Variants in BAZ2A observed in about 807,000 individuals in gnomAD.
BAZ2A encodes the protein bromodomain adjacent to zinc finger domain protein 2A.
In BAZ2A, 34 loss-of-function variants were observed where a neutral mutation model predicts 199.9. The observed-to-expected ratio is 0.17, with a 90% CI of 0.13 to 0.23. The LOEUF (loss-of-function observed/expected upper bound fraction) is 0.23. Ranked by LOEUF, BAZ2A falls within the 10% of genes least tolerant of loss-of-function variation. BAZ2A has a pLI of 1.00. For missense variants in BAZ2A, 2,002 were observed against 2,391.1 expected (o/e 0.84, Z 3.39); for synonymous variants, 857 against 883.9 (o/e 0.97, Z 0.54).
At chr12:56,607,211 T>C (rs763671101) in intron 10 of BAZ2A, among the ~76,000 whole-genome samples, 4 of 152,220 alleles carry the variant, frequency 2.6e-5, no homozygotes, top group Non-Finnish European at 5.9e-5. Context: ...GCCCACACAG[T>C]GGACACCTCA....
In BAZ2A at chr12:56,617,452, A is replaced by T; in HGVS notation, c.79T>A (p.Ser27Thr). The T allele has an allele frequency of 6.2e-7, 1 of 1,607,566 alleles. No individual in the cohort carries two copies. The highest frequency in any genetic ancestry group is 2.2e-5 in the East Asian group (1 of 44,752). The part of the protein sequence containing the change: ...AASGLKPSPS[S>T]GEGLYTNGSP... ...CCGTTAGTGTAGAGGCCCTCCCCTG[A>T]GGAAGGAGAGGGTTTCAGTCCTGAG... is the stretch of plus-strand genomic sequence containing the variant. Residue 27 changes from serine to threonine, a missense_variant, in exon 2 of 29, where the codon TCA (serine) becomes ACA (threonine). This residue lies in a region of BAZ2A where 641 missense variants were observed against 694.5 expected (regional missense o/e 0.92). Coordinates refer to ENST00000549884, the MANE Select transcript of BAZ2A (RefSeq NM_001300905.2).
chr12:56,601,336 A>T lies in BAZ2A; in HGVS notation c.4138T>A (p.Leu1380Met). Residue 1380 changes from leucine (L) to methionine (M), a missense_variant, in exon 21 of 29, where the codon TTG (leucine) becomes ATG (methionine). Transcript: ENST00000549884. ...VQFSSTPLAG[L>M]APKRRAGDPG... ...TCTCCTGCTCGCCTCTTAGGGGCCAACCCAGCCAAGGGCGTGGAAGAGAAC... is the reference window on the plus strand; with the variant it reads ...TCTCCTGCTCGCCTCTTAGGGGCCATCCCAGCCAAGGGCGTGGAAGAGAAC... The T allele has an allele frequency of 6.2e-7, 1 of 1,614,010 alleles. No homozygotes were observed. The highest frequency in any genetic ancestry group is 8.5e-7 in the Non-Finnish European group (1 of 1,179,890).
chr12:56,631,315 G>T (rs2137444479), upstream of BAZ2A, among the ~76,000 whole-genome samples: 1 of 152,068 alleles, frequency 6.6e-6, no homozygotes, highest in South Asian at 2.1e-4. Flanking sequence ...GCTGGGTGTG[G>T]TGGCGTGCCC....
intron 1 of BAZ2A, among the ~76,000 whole-genome samples, chr12:56,628,287 G>A (rs1951178876): frequency 6.6e-6 from 1 of 151,474 alleles, no homozygotes; most frequent in Admixed American, 6.6e-5. Context: ...AATCCAGTGT[G>A]CCACAAAATG....
intron 1 of BAZ2A, among the ~76,000 whole-genome samples, chr12:56,621,406 ACCACTTC>A (rs1230059882): frequency 6.6e-6 from 1 of 152,002 alleles, no homozygotes; most frequent in African/African-American, 2.4e-5. Context: ...CAGAACCACA[ACCACTTC>A]ATTTACGAGA....
At position 56,596,775 on chromosome 12, in the gene BAZ2A, A is replaced by G. The variant is rs1885874567; in HGVS notation, c.*1843T>C. The G allele has an allele frequency of 6.5e-6, 1 of 152,682 alleles. No individual in the cohort carries two copies. The highest frequency in any genetic ancestry group is 1.9e-4 in the East Asian group (1 of 5,194). 9.5% of individuals were successfully genotyped at this position (152,682 alleles called of 1,614,324 possible). A position where few individuals can be genotyped will look rare whatever the true frequency, so the allele number is the denominator to read the frequency against. ...TCAATCCACCTCTTAAAAGCAAAAA[A>G]AAATCTCAAATAAAATTAAAAGTTT... is the stretch of plus-strand genomic sequence containing the variant. On this transcript the variant is annotated 3_prime_UTR_variant, in exon 29 of 29. Transcript: ENST00000549884.
chr12:56,630,297 A>G lies in BAZ2A; in HGVS notation c.-175T>C. Reference sequence around the variant, plus strand: ...ACGCGGCTCAACCGCGGGGCCCGAGAGGAGCCAACATGGCCGGCGGGGGAG... The same window carrying G: ...ACGCGGCTCAACCGCGGGGCCCGAGGGGAGCCAACATGGCCGGCGGGGGAG... On this transcript the variant is annotated 5_prime_UTR_variant, in exon 1 of 29. Transcript: ENST00000549884. The G allele has an allele frequency of 4.1e-6, 4 of 984,882 alleles. No homozygotes were observed. Among genetic ancestry groups the G allele is most frequent in the Non-Finnish European group, 4.8e-6 (4 of 829,390 alleles). 61.0% of individuals were successfully genotyped at this position (984,882 alleles called of 1,614,324 possible).
chr12:56,614,490 T>C (rs1030353595), intron 3 of BAZ2A, among the ~76,000 whole-genome samples: 2 of 152,160 alleles, frequency 1.3e-5, no homozygotes, highest in African/African-American at 4.8e-5. Context: ...CTTTTATCTA[T>C]TTTGAGGGAA....
chr12:56,612,098 C>T lies in BAZ2A; in HGVS notation c.1284G>A (p.Ser428=), dbSNP rs758565712. The T allele has an allele frequency of 1.9e-6, 3 of 1,613,376 alleles. No individual in the cohort carries two copies. Among genetic ancestry groups the T allele is most frequent in the Middle Eastern group, 1.6e-4 (1 of 6,082 alleles). ...GGGAGACTGCTGGGGAGGTTGTTGG[C>T]GAGACTGCTGGTGAGGTTGCTGGAT... ...QLHPATSPAV[S]PTTSPAVSLV... Residue 428 remains serine (S), a synonymous_variant, in exon 6 of 29, where the codon TCG becomes TCA. Coordinates refer to ENST00000549884, the MANE Select transcript of BAZ2A (RefSeq NM_001300905.2).
chr12:56,600,591 G>A (rs1160751029), intron 23 of BAZ2A, 90 bp downstream of exon 23: 5 of 1,571,036 alleles, frequency 3.2e-6, no homozygotes, highest in African/African-American at 1.4e-5. Flanking sequence ...TAGGTCACCT[G>A]TGAAGTAGGG....
Position 56,602,669 on chromosome 12 carries a change from T to TG in BAZ2A, c.3424+43dup, listed in dbSNP as rs770225493. ...TAAGGAAAAGGAATTATTTAATTCT[T>TG]GTTTGATAGGACTCAGAATCCACAC... On this transcript the variant is annotated intron_variant, in intron 19 of 28. Coordinates refer to ENST00000549884, the MANE Select transcript of BAZ2A (RefSeq NM_001300905.2). The TG allele has an allele frequency of 1.0e-5, 16 of 1,588,606 alleles. No homozygotes were observed. The African/African-American group carries it at 1.9e-4, about 19-fold the overall frequency.
intron 14 of BAZ2A, 89 bp from the exon 15 acceptor site, chr12:56,604,888 G>T (rs118110498): frequency 0.029 from 42,205 of 1,454,770 alleles, 754 homozygotes; most frequent in Non-Finnish European, 0.035. Flanking sequence ...CATCAGAAGA[G>T]AACTATGGGG....
At chr12:56,607,516 C>T (rs1031958161) in intron 10 of BAZ2A, among the ~76,000 whole-genome samples, 12 of 152,236 alleles carry the variant, frequency 7.9e-5, no homozygotes, top group Admixed American at 3.9e-4. Flanking sequence ...GGACTACAGG[C>T]GCGTGCCACC....
intron 1 of BAZ2A, among the ~76,000 whole-genome samples, chr12:56,629,653 C>T (rs1440960273): frequency 6.6e-6 from 1 of 152,148 alleles, no homozygotes; most frequent in Non-Finnish European, 1.5e-5. Context: ...CCCCTGGAAA[C>T]CCCTTCCGCC....
chr12:56,602,585 A>C (rs1371585436), intron 19 of BAZ2A, 128 bp downstream of exon 19: 2 of 1,296,468 alleles, frequency 1.5e-6, no homozygotes, highest in Non-Finnish European at 2.1e-6. Flanking sequence ...TTTACTCTAA[A>C]ATCTGTGCTC....
rs1886496690 is a variant in BAZ2A, at chr12:56,601,647, T to C, written c.3970A>G (p.Ile1324Val). The C allele has an allele frequency of 2.5e-6, 4 of 1,613,934 alleles. No individual in the cohort carries two copies. Among genetic ancestry groups the C allele is most frequent in the Non-Finnish European group, 3.4e-6 (4 of 1,179,870 alleles). ...GCATTGCAGGGCATCTGGGCTGAGA[T>C]GTTAAACCAGAGTGCTTGAGGATCA... is the stretch of plus-strand genomic sequence containing the variant. Reference protein sequence around the residue: ...SPDPQALWFNISAQMPCNAAP... With the variant: ...SPDPQALWFNVSAQMPCNAAP... The change falls in exon 20 of 29, where the codon ATC becomes GTC. Residue 1324 changes from isoleucine to valine, a missense_variant. By Grantham distance (29) the Ile-to-Val change is conservative (BLOSUM62 3). Around this residue, in one of 6 missense-constraint regions of BAZ2A, gnomAD observed 1,081 missense variants for 1,274.7 expected, o/e 0.85. Transcript: ENST00000549884.
chr12:56,602,177 A>G lies in BAZ2A; in HGVS notation c.3440T>C (p.Ile1147Thr). Residue 1147 changes from isoleucine to threonine, a missense_variant, in exon 20 of 29, where the codon ATA becomes ACA. Transcript: ENST00000549884. ...TTTTAAGGAGTCAGTTTCCTTCTTT[A>G]TCACCTCCTCAGGAACTGTAAAGAG... is the stretch of plus-strand genomic sequence containing the variant. The part of the protein sequence containing the change: ...TEGNLVPEEV[I>T]KKETDSLKVA... 6.3e-7 allele frequency: 1 copy of G among 1,584,944 alleles called. No homozygotes were observed. Among genetic ancestry groups the G allele is most frequent in the Non-Finnish European group, 8.6e-7 (1 of 1,164,816 alleles).
chr12:56,613,900 A>C, intron 4 of BAZ2A, 53 bp downstream of exon 4: 1 of 1,538,928 alleles, frequency 6.5e-7, no homozygotes, highest in Non-Finnish European at 8.9e-7. Context: ...CTTTCAGGTA[A>C]AGTTTGGCTA....
rs1425785479 is a variant in BAZ2A at position 56,596,156 on chromosome 12, T to C, written c.*2462A>G. The C allele has an allele frequency of 1.3e-5, 2 of 152,736 alleles. No individual in the cohort carries two copies. The highest frequency in any genetic ancestry group is 1.9e-4 in the East Asian group (1 of 5,204). The allele number at this position is 152,736 out of a possible 1,614,324, so 9.5% of individuals were successfully genotyped here. On this transcript the variant is annotated 3_prime_UTR_variant, in exon 29 of 29. Transcript: ENST00000549884. ...GTCACTAAAACACCACATTTGGTTATATAAAAAGTCCCTTTTGCTGTAAAA... is the reference window on the plus strand; with the variant it reads ...GTCACTAAAACACCACATTTGGTTACATAAAAAGTCCCTTTTGCTGTAAAA...
Sources: allele counts gnomAD v4.1 joint callset (sites outside exome capture counted in the v4.1 genomes callset), GRCh38; gene constraint gnomAD v4.1.1; regional missense constraint gnomAD v4.1.1; transcripts MANE v1.5; gene names NCBI Gene and HGNC (gene_info 2026-07-23, HGNC 2026-07-21).